Variants in PKHD1 observed in about 807,000 individuals in gnomAD.
The protein encoded by PKHD1 is fibrocystin.
A neutral mutation model predicts 412.0 loss-of-function variants in PKHD1; 291 were observed. The observed-to-expected ratio is 0.71, with a 90% CI of 0.64 to 0.78. The LOEUF is 0.78. PKHD1 is among the 30% of genes least tolerant of loss of function. PKHD1 has a pLI of 0.00. For missense variants in PKHD1, 4,825 were observed against 4,950.7 expected, an observed-to-expected ratio of 0.97 and a Z score of 0.76; for synonymous variants, 1,777 against 1,821.5, an observed-to-expected ratio of 0.98 and a Z score of 0.62.
intron 6 of PKHD1, among the ~76,000 whole-genome samples, chr6:52,075,209 A>G (rs774817102): frequency 1.3e-5 from 2 of 152,246 alleles, no homozygotes; most frequent in African/African-American, 2.4e-5. Flanking sequence ...CCAAATTCAT[A>G]TTCTCTGAAA....
At chr6:51,942,531 C>T (rs1561943483) in intron 36 of PKHD1, among the ~76,000 whole-genome samples, 2 of 151,522 alleles carry the variant, frequency 1.3e-5, no homozygotes, top group African/African-American at 4.8e-5. Flanking sequence ...TTGAGTCTCC[C>T]GCAATTACCA....
intron 44 of PKHD1, among the ~76,000 whole-genome samples, chr6:51,886,519 CTG>C (rs909958502): frequency 2.0e-5 from 3 of 152,152 alleles, no homozygotes; most frequent in African/African-American, 7.2e-5. Flanking sequence ...CTGGGGGACA[CTG>C]TGCTGGGTGA....
At chr6:51,946,634 C>A (rs910401905) in intron 36 of PKHD1, among the ~76,000 whole-genome samples, 4 of 152,198 alleles carry the variant, frequency 2.6e-5, no homozygotes, top group African/African-American at 7.2e-5. Flanking sequence ...CAGCCTTTGG[C>A]TGTGACCCTT....
At chr6:51,928,221 C>T (rs1260551182) in intron 37 of PKHD1, among the ~76,000 whole-genome samples, 1 of 152,128 alleles carries the variant, frequency 6.6e-6, no homozygotes, top group Non-Finnish European at 1.5e-5. Context: ...GAATAGGAGA[C>T]TGAGTTTTTA....
At chr6:51,682,105 T>C (rs1377905809) in intron 60 of PKHD1, 4 of 395,592 alleles carry the variant, frequency 1.0e-5, no homozygotes, top group African/African-American at 8.3e-5. Flanking sequence ...GTAGACTAGG[T>C]TAGGATGTCA....
Position 51,855,977 on chromosome 6 carries a change from G to C in PKHD1, c.7827C>G (p.Asn2609Lys). The C allele has an allele frequency of 6.2e-7, 1 of 1,611,226 alleles. No individual in the cohort carries two copies. The highest frequency in any genetic ancestry group is 8.5e-7 in the Non-Finnish European group (1 of 1,177,348). ...TVNYVRDTLS[N>K]PRGWMALLLD... Reference sequence around the variant, plus strand: ...AGAGCAGAGCCATCCAGCCACGAGGGTTAGACAATGTATCACGTACATAAT... The same window carrying C: ...AGAGCAGAGCCATCCAGCCACGAGGCTTAGACAATGTATCACGTACATAAT... The change falls in exon 49 of 67, where the codon AAC becomes AAG. Residue 2609 changes from asparagine to lysine, a missense_variant. By Grantham distance (94) the Asn-to-Lys change is moderately conservative. Transcript: ENST00000371117.
rs753031282 is a variant in PKHD1 at position 52,042,862 on chromosome 6, T to C, written c.3094A>G (p.Ile1032Val). Residue 1032 changes from isoleucine to valine, a missense_variant, in exon 27 of 67, where the codon ATT (isoleucine) becomes GTT (valine). Transcript: ENST00000371117. Reference sequence around the variant, plus strand: ...TGTGAGACCCTCCCCAGATTACCAATATCCGCAGCTCTGGAAGGCTCCACC... The same window carrying C: ...TGTGAGACCCTCCCCAGATTACCAACATCCGCAGCTCTGGAAGGCTCCACC... ...DMVEPSRAAD[I>V]GGLWATIRGS... 4 of 1,613,494 alleles carry C rather than the reference T, an allele frequency of 2.5e-6. No individual in the cohort carries two copies. Among genetic ancestry groups the C allele is most frequent in the African/African-American group, 1.3e-5 (1 of 74,892 alleles).
At chr6:51,828,800 A>G (rs1006222791) in intron 52 of PKHD1, among the ~76,000 whole-genome samples, 1 of 152,064 alleles carries the variant, frequency 6.6e-6, no homozygotes, top group African/African-American at 2.4e-5. Context: ...TTCAATCCAG[A>G]GACCCATCAG....
intron 60 of PKHD1, among the ~76,000 whole-genome samples, chr6:51,681,592 C>T (rs956120382): frequency 6.6e-6 from 1 of 151,994 alleles, no homozygotes; most frequent in Non-Finnish European, 1.5e-5. Flanking sequence ...TAAGCCTAGC[C>T]TTGCACTTCC....
At chr6:51,906,677 G>A (rs1782150972) in intron 40 of PKHD1, among the ~76,000 whole-genome samples, 2 of 152,158 alleles carry the variant, frequency 1.3e-5, no homozygotes, top group African/African-American at 2.4e-5. Context: ...TACAGCAGAT[G>A]AGAAGTTAAG....
At chr6:52,020,581 G>A (rs1801251156) in intron 33 of PKHD1, among the ~76,000 whole-genome samples, 1 of 152,098 alleles carries the variant, frequency 6.6e-6, no homozygotes, top group African/African-American at 2.4e-5. Context: ...CTACTGCTCT[G>A]GGAAGCACAC....
At chr6:51,829,708 A>T (rs9463724) in intron 52 of PKHD1, among the ~76,000 whole-genome samples, 67,509 of 151,994 alleles carry the variant, frequency 0.44, 16,084 homozygotes, top group Middle Eastern at 0.62. Context: ...ACCAATGATA[A>T]GAAGGTGGCC....
At chr6:52,028,030 T>G in intron 30 of PKHD1, 126 bp downstream of exon 30, 1 of 1,189,928 alleles carries the variant, frequency 8.4e-7, no homozygotes, top group Non-Finnish European at 1.3e-6. Flanking sequence ...TCCAATGTTA[T>G]GATGTTCATG....
intron 60 of PKHD1, among the ~76,000 whole-genome samples, chr6:51,741,356 C>G (rs990503498): frequency 1.3e-5 from 2 of 152,016 alleles, no homozygotes; most frequent in East Asian, 3.9e-4. Flanking sequence ...TCTGAAAAAG[C>G]TTTTTTTCTT....
intron 52 of PKHD1, among the ~76,000 whole-genome samples, chr6:51,809,720 C>T (rs573894955): frequency 2.8e-4 from 42 of 151,904 alleles, no homozygotes; most frequent in African/African-American, 9.9e-4. Context: ...TTGTTTATAT[C>T]TAGGTATTTT....
rs1780875039 is a variant in PKHD1, at chr6:51,713,412, C to G, written c.10156+30973G>C. On this transcript the variant is annotated intron_variant, in intron 60 of 66. Transcript: ENST00000371117. Reference sequence around the variant, plus strand: ...AAAAAAAGTTTGGTTGGCTTTGGATCATTTTCCTTGACTCCTCCTCCTCTA... The same window carrying G: ...AAAAAAAGTTTGGTTGGCTTTGGATGATTTTCCTTGACTCCTCCTCCTCTA... Among the ~76,000 whole-genome samples the G allele has an allele frequency of 2.6e-5, 4 of 152,188 alleles. No homozygotes were observed. In the South Asian group the frequency reaches 8.3e-4, roughly 32 times the overall value.
intron 24 of PKHD1, among the ~76,000 whole-genome samples, chr6:52,045,330 T>C (rs1054887359): frequency 2.6e-5 from 4 of 152,202 alleles, no homozygotes; most frequent in African/African-American, 9.7e-5. Context: ...AATAAATCAA[T>C]CTTCTCTCTA....
At chr6:51,807,437 C>CAAAAA (rs1174429085) in intron 52 of PKHD1, among the ~76,000 whole-genome samples, 1 of 39,110 alleles carries the variant, frequency 2.6e-5, no homozygotes, top group African/African-American at 9.1e-5. Flanking sequence ...GACTCTGTCT[C>CAAAAA]AAAAAAAAAA....
At chr6:51,918,863 G>A (rs1784246834) in intron 37 of PKHD1, among the ~76,000 whole-genome samples, 1 of 151,504 alleles carries the variant, frequency 6.6e-6, no homozygotes, top group African/African-American at 2.4e-5. Flanking sequence ...TCTCACTGGT[G>A]TGAGATGGTA....
Sources: allele counts gnomAD v4.1 joint callset (sites outside exome capture counted in the v4.1 genomes callset), GRCh38; gene constraint gnomAD v4.1.1; transcripts MANE v1.5; gene names NCBI Gene and HGNC (gene_info 2026-07-23, HGNC 2026-07-21).